SPATA6L: variants seen among roughly 807,000 people sequenced by gnomAD.
The protein encoded by SPATA6L is spermatogenesis associated 6 like.
In SPATA6L, 68 loss-of-function variants were observed where a neutral mutation model predicts 49.2. The ratio of observed to expected loss-of-function variants is 1.38; its 90% CI spans 1.14 to 1.69. SPATA6L has a LOEUF of 1.69. Among genes scored for constraint, SPATA6L ranks in the 40% most tolerant of loss-of-function variants. The pLI is 0.00. For synonymous variants in SPATA6L, 198 were observed against 165.7 expected, an observed-to-expected ratio of 1.19 and a Z score of -1.50; for missense variants, 668 against 464.3, an observed-to-expected ratio of 1.44 and a Z score of -4.03.
chr9:4,620,681 CT>C (rs1364203413), intron 7 of SPATA6L, among the ~76,000 whole-genome samples: 1 of 152,184 alleles, frequency 6.6e-6, no homozygotes, highest in Non-Finnish European at 1.5e-5. Flanking sequence ...ATGCCAAAAA[CT>C]TGGTGTGTGA....
In SPATA6L at chr9:4,635,377, G is replaced by A. The variant is rs756545045; in HGVS notation, c.249C>T (p.Tyr83=). The A allele has an allele frequency of 2.1e-5, 33 of 1,591,328 alleles. No individual in the cohort carries two copies. The Admixed American group carries it at 3.3e-4, about 16-fold the overall frequency. The change falls in exon 4 of 12, where the codon TAC becomes TAT. Residue 83 remains tyrosine (Y), a synonymous_variant. Transcript: ENST00000682582. ...AAAGAAAATCTCGTGTGTTTTCTTC[G>A]TAGTAGGCCAACTCATCCCACACTA... ...LLEMWDELAY[Y]EENTRDFLFP...
rs369535277 is a variant in SPATA6L at position 4,662,477 on chromosome 9, C to T, written c.40-441G>A. On this transcript the variant is annotated intron_variant, in intron 1 of 11. Coordinates refer to ENST00000682582, the MANE Select transcript of SPATA6L (RefSeq NM_001353486.2). This position sits in a 1 kb window ranked among gnomAD's most constrained non-coding sequence, Gnocchi z 4.9. ...GCCCAGCCCATGGCGGCGGTGGCGG[C>T]GGCAGCAGGTTTGAGTTCCAGTCCC... 6.5e-7 allele frequency: 1 copy of T among 1,550,210 alleles called. No individual in the cohort carries two copies. Among genetic ancestry groups the T allele is most frequent in the Admixed American group, 1.9e-5 (1 of 52,824 alleles).
At chr9:4,609,549 T>C (rs997570227) in intron 9 of SPATA6L, among the ~76,000 whole-genome samples, 4 of 151,920 alleles carry the variant, frequency 2.6e-5, no homozygotes, top group African/African-American at 9.7e-5. Context: ...AAAAACCACA[T>C]GATTATCTCA....
chr9:4,599,119 T>C lies in SPATA6L; in HGVS notation c.*1692A>G, dbSNP rs1368297915. Among the ~76,000 whole-genome samples, 2 of 152,244 alleles carry C rather than the reference T, an allele frequency of 1.3e-5. No individual in the cohort carries two copies. Among genetic ancestry groups the C allele is most frequent in the Admixed American group, 6.5e-5 (1 of 15,288 alleles). ...TACAGGTAGCCTGAAGGTAATTTTA[T>C]ACATGATTTTAAATAATTTGGAGCA... On this transcript the variant is annotated 3_prime_UTR_variant, in exon 12 of 12. Transcript: ENST00000682582.
At chr9:4,629,470 G>A (rs1394655815) in intron 4 of SPATA6L, among the ~76,000 whole-genome samples, 2 of 151,832 alleles carry the variant, frequency 1.3e-5, no homozygotes, top group Non-Finnish European at 2.9e-5. Flanking sequence ...TGTCCATCTA[G>A]TAATGAGGGC....
At position 4,598,999 on chromosome 9, in the gene SPATA6L, T is replaced by C. The variant is rs1164990413; in HGVS notation, c.*1812A>G. Among the ~76,000 whole-genome samples the C allele has an allele frequency of 6.6e-6, 1 of 152,252 alleles. No individual in the cohort carries two copies. The highest frequency in any genetic ancestry group is 1.5e-5 in the Non-Finnish European group (1 of 68,038). On this transcript the variant is annotated 3_prime_UTR_variant, in exon 12 of 12. Coordinates refer to ENST00000682582, the MANE Select transcript of SPATA6L (RefSeq NM_001353486.2). ...GGTTTTGGTTTTTGTTTTTGTATTT[T>C]GGAATATTTACATAAACACAATGAA...
In SPATA6L at chr9:4,662,518, C is replaced by G. The variant is rs763459517; in HGVS notation, c.40-482G>C. On this transcript the variant is annotated intron_variant, in intron 1 of 11. Coordinates refer to ENST00000682582, the MANE Select transcript of SPATA6L (RefSeq NM_001353486.2). The surrounding 1 kb of genome is among the most constrained non-coding windows in gnomAD (Gnocchi z 4.9). ...TTCCAGTCCCTGCTCAGCAGCCGCG[C>G]CACGGCCGTGGACCCCACCTGCGCC... is the stretch of plus-strand genomic sequence containing the variant. 4.5e-6 allele frequency: 7 copies of G among 1,561,136 alleles called. No individual in the cohort carries two copies. In the Middle Eastern group the frequency reaches 6.7e-4, roughly 150 times the overall value.
downstream of SPATA6L, among the ~76,000 whole-genome samples, chr9:4,593,693 A>C (rs1371249989): frequency 6.6e-6 from 1 of 152,144 alleles, no homozygotes; most frequent in African/African-American, 2.4e-5. Context: ...CTCAGTCATC[A>C]ATTTTTACTC....
intron 3 of SPATA6L, among the ~76,000 whole-genome samples, chr9:4,643,504 G>GA (rs1433811468): frequency 1.3e-5 from 2 of 151,660 alleles, no homozygotes; most frequent in African/African-American, 4.8e-5. Flanking sequence ...TAAAAATGTG[G>GA]AAAAAAAGAA....
chr9:4,640,918 T>G (rs1179466992), intron 3 of SPATA6L, among the ~76,000 whole-genome samples: 1 of 152,240 alleles, frequency 6.6e-6, no homozygotes, highest in Non-Finnish European at 1.5e-5. Context: ...AGCTAGAATA[T>G]TCTGCAATCA....
intron 3 of SPATA6L, among the ~76,000 whole-genome samples, chr9:4,652,372 A>G (rs1009483108): frequency 6.6e-6 from 1 of 152,086 alleles, no homozygotes; most frequent in African/African-American, 2.4e-5. Flanking sequence ...AGGCAACAAG[A>G]ATGAAACTCT....
intron 4 of SPATA6L, chr9:4,633,832 G>T (rs1228279417): frequency 6.6e-6 from 1 of 152,084 alleles, no homozygotes; most frequent in East Asian, 1.9e-4. Context: ...TATGGGAATT[G>T]GTTTTATTTT....
At chr9:4,589,805 G>T (rs1821789747) in intron 13 of SPATA6L, among the ~76,000 whole-genome samples, 1 of 152,158 alleles carries the variant, frequency 6.6e-6, no homozygotes, top group Non-Finnish European at 1.5e-5. Flanking sequence ...GCCCCCCGTG[G>T]GGCTTTTTAA....
chr9:4,617,240 C>T (rs1433308422), intron 9 of SPATA6L, among the ~76,000 whole-genome samples: 1 of 152,148 alleles, frequency 6.6e-6, no homozygotes, highest in Non-Finnish European at 1.5e-5. Context: ...ATTGGCTTAT[C>T]CTTCATTCAG....
chr9:4,629,755 A>ATGTGTGTG lies in SPATA6L; in HGVS notation c.352-595_352-588dup, dbSNP rs370931784. 1.9e-3 allele frequency among the ~76,000 whole-genome samples: 241 copies of ATGTGTGTG among 125,300 alleles called. 2 individuals are homozygous for ATGTGTGTG. The highest frequency in any genetic ancestry group is 7.4e-3 in the East Asian group (30 of 4,080). The allele number at this position is 125,300 out of a possible 152,430, so 82.2% of individuals were successfully genotyped here. ...CTGTCTAAAATATTGTGTTTTATAT[A>ATGTGTGTG]TGTGTGTGTGTGTGTATATATATAT... On this transcript the variant is annotated intron_variant, in intron 4 of 11. Coordinates refer to ENST00000682582, the MANE Select transcript of SPATA6L (RefSeq NM_001353486.2).
At chr9:4,631,513 T>C (rs1831540266) in intron 4 of SPATA6L, among the ~76,000 whole-genome samples, 1 of 151,988 alleles carries the variant, frequency 6.6e-6, no homozygotes, top group African/African-American at 2.4e-5. Context: ...TGGATGAGAC[T>C]AGATAATATT....
At chr9:4,602,079 C>T (rs1288012602) in intron 11 of SPATA6L, among the ~76,000 whole-genome samples, 1 of 151,942 alleles carries the variant, frequency 6.6e-6, no homozygotes, top group East Asian at 1.9e-4. Flanking sequence ...AAGCGTATGC[C>T]AAACTACTGG....
rs75908266 is a variant in SPATA6L at position 4,630,558 on chromosome 9, C to G, written c.352-1390G>C. ...CATCTTCCTTCTTTTCTTTTCCATC[C>G]AAATTTTACCCATCTCTCAATGTCT... is the stretch of plus-strand genomic sequence containing the variant. On this transcript the variant is annotated intron_variant, in intron 4 of 11. Coordinates refer to ENST00000682582, the MANE Select transcript of SPATA6L (RefSeq NM_001353486.2). 1.0e-2 allele frequency among the ~76,000 whole-genome samples: 1,518 copies of G among 152,290 alleles called. 18 individuals carry two copies. The highest frequency in any genetic ancestry group is 0.035 in the African/African-American group (1,438 of 41,552).
At chr9:4,647,457 T>C (rs940857071) in intron 3 of SPATA6L, among the ~76,000 whole-genome samples, 1 of 152,096 alleles carries the variant, frequency 6.6e-6, no homozygotes, top group African/African-American at 2.4e-5. Context: ...CCAGGCATGG[T>C]GGCAGATGCC....
Sources: gnomAD v4.1 joint callset for allele counts (sites outside exome capture counted in the v4.1 genomes callset) on GRCh38, gnomAD v4.1.1 for gene constraint, Gnocchi (gnomAD v3.1) non-coding constraint, MANE v1.5 for transcripts, NCBI Gene and HGNC (gene_info 2026-07-23, HGNC 2026-07-21) for gene names.